MORN5: variants seen among roughly 807,000 people sequenced by gnomAD.
The protein encoded by MORN5 is MORN repeat-containing protein 5.
A neutral mutation model predicts 22.1 loss-of-function variants in MORN5; 21 were observed. The ratio of observed to expected loss-of-function variants is 0.95; its 90% CI spans 0.67 to 1.37. MORN5 has a LOEUF of 1.37. MORN5 is among the 40% of genes most tolerant of loss of function. MORN5 has a pLI of 0.00. For synonymous variants in MORN5, 73 were observed against 74.0 expected, an observed-to-expected ratio of 0.99 and a Z score of 0.07; for missense variants, 211 against 215.1, an observed-to-expected ratio of 0.98 and a Z score of 0.12.
At chr9:122,188,388 G>A (rs1454403496) in intron 4 of MORN5, among the ~76,000 whole-genome samples, 1 of 152,256 alleles carries the variant, frequency 6.6e-6, no homozygotes, top group East Asian at 1.9e-4. Context: ...ACTGCTGTGA[G>A]TATTCAATGA....
Position 122,197,052 on chromosome 9 carries a change from T to C in MORN5, c.440-2833T>C, listed in dbSNP as rs1006861925. On this transcript the variant is annotated intron_variant, in intron 4 of 4. Coordinates refer to ENST00000373764, the MANE Select transcript of MORN5 (RefSeq NM_198469.4). This position sits in a 1 kb window ranked among gnomAD's most constrained non-coding sequence, Gnocchi z 5.7. ...CCCTCATTTTTAGAAATGTACATTT[T>C]CCTTTTTCCTGATTCTAAATAGTTC... is the stretch of plus-strand genomic sequence containing the variant. 6.6e-6 allele frequency among the ~76,000 whole-genome samples: 1 copy of C among 152,212 alleles called. No individual in the cohort carries two copies. The highest frequency in any genetic ancestry group is 2.4e-5 in the African/African-American group (1 of 41,456).
At chr9:122,171,186 A>T (rs369834714) in intron 3 of MORN5, among the ~76,000 whole-genome samples, 35 of 152,306 alleles carry the variant, frequency 2.3e-4, no homozygotes, top group African/African-American at 6.7e-4. Context: ...TCTCTATAGC[A>T]GGATGAGCCT....
intron 4 of MORN5, 110 bp downstream of exon 4, chr9:122,174,737 A>G: frequency 6.3e-7 from 1 of 1,598,746 alleles, no homozygotes; most frequent in Non-Finnish European, 8.5e-7. Context: ...GCTTTTGCTG[A>G]TAGAAGATGA....
chr9:122,162,623 G>A (rs1160718134), intron 1 of MORN5, among the ~76,000 whole-genome samples: 1 of 152,098 alleles, frequency 6.6e-6, no homozygotes, highest in Non-Finnish European at 1.5e-5. Context: ...TCCATTCATT[G>A]GAATACTACT....
chr9:122,166,298 G>T (rs1361782962), intron 1 of MORN5, among the ~76,000 whole-genome samples: 2 of 140,352 alleles, frequency 1.4e-5, no homozygotes, highest in East Asian at 3.9e-4. Context: ...ATATATAATG[G>T]TGGTAAGCTT....
intron 4 of MORN5, among the ~76,000 whole-genome samples, chr9:122,176,371 A>G (rs1438354326): frequency 1.3e-5 from 2 of 152,198 alleles, no homozygotes; most frequent in African/African-American, 4.8e-5. Context: ...TAAAATAAGG[A>G]GATGTTGCCC....
At chr9:122,177,166 CGGG>C (rs1013860721) in intron 4 of MORN5, among the ~76,000 whole-genome samples, 1 of 152,150 alleles carries the variant, frequency 6.6e-6, no homozygotes, top group Non-Finnish European at 1.5e-5. Flanking sequence ...AGACCTCTGG[CGGG>C]GGAGCACTGC....
At chr9:122,187,466 C>T (rs919031491) in intron 4 of MORN5, among the ~76,000 whole-genome samples, 2 of 152,126 alleles carry the variant, frequency 1.3e-5, no homozygotes, top group African/African-American at 4.8e-5. Flanking sequence ...TTTGTTGAGT[C>T]CCTGCATCCA....
chr9:122,175,680 G>T, intron 4 of MORN5: 2 of 985,360 alleles, frequency 2.0e-6, no homozygotes, highest in Non-Finnish European at 2.4e-6. Context: ...CCTAGGTCAA[G>T]AAACCTTGCT....
chr9:122,182,671 A>T (rs1829554139), intron 4 of MORN5, among the ~76,000 whole-genome samples: 1 of 152,182 alleles, frequency 6.6e-6, no homozygotes, highest in African/African-American at 2.4e-5. Context: ...GAATTGCTTG[A>T]ACCTGGGAGG....
chr9:122,181,560 C>A (rs905834475), intron 4 of MORN5, among the ~76,000 whole-genome samples: 3 of 152,174 alleles, frequency 2.0e-5, no homozygotes, highest in African/African-American at 7.2e-5. Flanking sequence ...ATCAATACTG[C>A]AAACACAAAA....
intron 4 of MORN5, among the ~76,000 whole-genome samples, chr9:122,184,283 T>C (rs933243089): frequency 1.4e-4 from 22 of 152,278 alleles, no homozygotes; most frequent in Middle Eastern, 3.4e-3. Flanking sequence ...AGCTCCAAGA[T>C]CATCTGTTGA....
intron 4 of MORN5, among the ~76,000 whole-genome samples, chr9:122,175,886 G>A (rs970156094): frequency 2.0e-5 from 3 of 151,770 alleles, no homozygotes; most frequent in Non-Finnish European, 2.9e-5. Context: ...AGGCCGAGGA[G>A]GGCGGATCAT....
intron 4 of MORN5, among the ~76,000 whole-genome samples, chr9:122,177,388 CAAGTT>C (rs1466815703): frequency 6.6e-6 from 1 of 152,202 alleles, no homozygotes; most frequent in Non-Finnish European, 1.5e-5. Flanking sequence ...CCACCATTGC[CAAGTT>C]AAGTATGGAA....
chr9:122,177,014 A>T (rs768386189), intron 4 of MORN5, among the ~76,000 whole-genome samples: 9 of 152,248 alleles, frequency 5.9e-5, no homozygotes, highest in Non-Finnish European at 1.3e-4. Flanking sequence ...AGGACTGGGG[A>T]CAATAGTAAG....
At chr9:122,195,153 A>C (rs145096012) in intron 4 of MORN5, among the ~76,000 whole-genome samples, 1,623 of 152,336 alleles carry the variant, frequency 0.011, 19 homozygotes, top group Non-Finnish European at 0.014. Flanking sequence ...CTTAGAGAAC[A>C]TGAGGATCTC....
intron 4 of MORN5, among the ~76,000 whole-genome samples, chr9:122,198,633 C>T (rs2118794686): frequency 6.6e-6 from 1 of 152,300 alleles, no homozygotes; most frequent in Non-Finnish European, 1.5e-5. Context: ...GTTGACCCTC[C>T]TCCTGGAAGG....
intron 4 of MORN5, among the ~76,000 whole-genome samples, chr9:122,184,575 G>T (rs1220787144): frequency 6.6e-6 from 1 of 152,120 alleles, no homozygotes; most frequent in Non-Finnish European, 1.5e-5. Context: ...ATATACAAAG[G>T]TATCCATATT....
rs146737913 is a variant in MORN5, at chr9:122,180,641, A to G, written c.439+6014A>G. ...ATGCTGGTTGCTAGGCACTAAATTG[A>G]TTTCACAACCTTTTCAAAGGTGGGA... is the stretch of plus-strand genomic sequence containing the variant. On this transcript the variant is annotated intron_variant, in intron 4 of 4. Coordinates refer to ENST00000373764, the MANE Select transcript of MORN5 (RefSeq NM_198469.4). 7.5e-3 allele frequency among the ~76,000 whole-genome samples: 1,148 copies of G among 152,156 alleles called. 13 individuals are homozygous for G. Among genetic ancestry groups the G allele is most frequent in the African/African-American group, 0.026 (1,088 of 41,518 alleles).
Sources: gnomAD v4.1 joint callset for allele counts (sites outside exome capture counted in the v4.1 genomes callset) on GRCh38, gnomAD v4.1.1 for gene constraint, Gnocchi (gnomAD v3.1) non-coding constraint, MANE v1.5 for transcripts, NCBI Gene and HGNC (gene_info 2026-07-23, HGNC 2026-07-21) for gene names.